Variants in SLC44A1 observed in about 807,000 individuals in gnomAD.
SLC44A1 encodes the protein solute carrier family 44 member 1.
SLC44A1 carries 26 observed loss-of-function variants against 79.3 expected under a neutral mutation model. The ratio of observed to expected loss-of-function variants is 0.33; its 90% CI spans 0.24 to 0.46. The LOEUF (loss-of-function observed/expected upper bound fraction) is 0.46, where lower values mean the gene tolerates loss of function less well. Among genes scored for constraint, SLC44A1 ranks in the 20% least tolerant of loss-of-function variants. The pLI is 1.00. For missense variants in SLC44A1, 688 were observed against 798.1 expected, an observed-to-expected ratio of 0.86 and a Z score of 1.66; for synonymous variants, 263 against 286.2, an observed-to-expected ratio of 0.92 and a Z score of 0.82.
At chr9:105,315,402 A>G (rs887222228) in intron 3 of SLC44A1, among the ~76,000 whole-genome samples, 1 of 149,992 alleles carries the variant, frequency 6.7e-6, no homozygotes, top group African/African-American at 2.5e-5. Flanking sequence ...TTTTAAGGAA[A>G]CTCCATATTT....
At chr9:105,265,545 G>T (rs575090602) in intron 1 of SLC44A1, among the ~76,000 whole-genome samples, 212 of 152,266 alleles carry the variant, frequency 1.4e-3, no homozygotes, top group Admixed American at 5.8e-3. Flanking sequence ...AGAACACGGG[G>T]TTGTTTCCAG....
chr9:105,365,498 G>T lies in SLC44A1; in HGVS notation c.1269G>T (p.Leu423Phe). The T allele has an allele frequency of 6.2e-7, 1 of 1,611,652 alleles. No individual in the cohort carries two copies. The change falls in exon 11 of 16, where the codon TTG becomes TTT. Residue 423 changes from leucine (L) to phenylalanine (F), a missense_variant. By Grantham distance (22) the Leu-to-Phe change is conservative. Transcript: ENST00000374720. ...TTTTAAATAGGGATAAAAGGAATTTGCCATTTACACCTATTTTGGCATCAG... is the reference window on the plus strand; with the variant it reads ...TTTTAAATAGGGATAAAAGGAATTTTCCATTTACACCTATTTTGGCATCAG... ...TYYFTRDKRN[L>F]PFTPILASVN...
chr9:105,282,518 A>G (rs1438357272), intron 1 of SLC44A1, among the ~76,000 whole-genome samples: 8 of 151,170 alleles, frequency 5.3e-5, no homozygotes, highest in Non-Finnish European at 1.2e-4. Flanking sequence ...TTCCTTCTCT[A>G]CTTGCTTCTT....
At chr9:105,399,155 A>G (rs1309471063), downstream of SLC44A1, among the ~76,000 whole-genome samples, 1 of 152,212 alleles carries the variant, frequency 6.6e-6, no homozygotes, top group Non-Finnish European at 1.5e-5. Context: ...CAATTCCAAG[A>G]AAAATAATTT....
At chr9:105,306,209 C>T (rs1367009317) in intron 2 of SLC44A1, among the ~76,000 whole-genome samples, 1 of 152,198 alleles carries the variant, frequency 6.6e-6, no homozygotes, top group Non-Finnish European at 1.5e-5. Context: ...GCTTCCTACT[C>T]CATGCTTATG....
downstream of SLC44A1, among the ~76,000 whole-genome samples, chr9:105,401,190 G>T (rs1828953501): frequency 6.6e-6 from 1 of 152,164 alleles, no homozygotes; most frequent in Admixed American, 6.5e-5. Context: ...GATGATTATG[G>T]TTATCTCTGT....
intron 15 of SLC44A1, 51 bp downstream of exon 15, chr9:105,385,553 CCTCT>C (rs780417141): frequency 2.2e-5 from 34 of 1,546,152 alleles, no homozygotes; most frequent in Non-Finnish European, 2.9e-5. Context: ...ACTTTCACTT[CCTCT>C]CTCTCTCTGT....
At chr9:105,330,702 C>T (rs944169401) in intron 3 of SLC44A1, among the ~76,000 whole-genome samples, 18 of 152,184 alleles carry the variant, frequency 1.2e-4, no homozygotes, top group Non-Finnish European at 2.4e-4. Context: ...TCAGACATCT[C>T]TCCTTTTCCT....
chr9:105,253,032 G>A (rs909939518), intron 1 of SLC44A1, among the ~76,000 whole-genome samples: 1 of 152,126 alleles, frequency 6.6e-6, no homozygotes, highest in Non-Finnish European at 1.5e-5. Context: ...TTGTATAATA[G>A]GATTCATTTA....
At chr9:105,316,246 A>G (rs71494516) in intron 3 of SLC44A1, among the ~76,000 whole-genome samples, 13 of 152,156 alleles carry the variant, frequency 8.5e-5, no homozygotes, top group African/African-American at 3.1e-4. Context: ...GTGTAAGGGT[A>G]TGAGAGGTTA....
At chr9:105,398,428 C>T (rs999267099), downstream of SLC44A1, among the ~76,000 whole-genome samples, 2 of 152,056 alleles carry the variant, frequency 1.3e-5, no homozygotes, top group Non-Finnish European at 2.9e-5. Context: ...GAATATTAAC[C>T]GATCTGGACT....
chr9:105,349,573 G>T (rs1471778067), intron 5 of SLC44A1, among the ~76,000 whole-genome samples: 2 of 152,070 alleles, frequency 1.3e-5, no homozygotes, highest in African/African-American at 4.8e-5. Flanking sequence ...ACAAATTATG[G>T]CCTTAAACCA....
intron 9 of SLC44A1, among the ~76,000 whole-genome samples, chr9:105,363,817 G>A (rs1827858318): frequency 6.6e-6 from 1 of 152,160 alleles, no homozygotes; most frequent in Non-Finnish European, 1.5e-5. Context: ...GATCAGGGAA[G>A]GCCTGAAATT....
At chr9:105,315,006 A>T (rs892315632) in intron 3 of SLC44A1, among the ~76,000 whole-genome samples, 1 of 152,244 alleles carries the variant, frequency 6.6e-6, no homozygotes, top group Non-Finnish European at 1.5e-5. Flanking sequence ...CGCATCATAC[A>T]CTAAAATAGA....
chr9:105,284,127 A>G (rs779001036), intron 1 of SLC44A1, among the ~76,000 whole-genome samples: 8 of 152,144 alleles, frequency 5.3e-5, no homozygotes, highest in Admixed American at 2.0e-4. Context: ...ATTTTTCACT[A>G]TAACTACCCA....
chr9:105,361,377 C>G (rs1170971944), intron 8 of SLC44A1, 47 bp downstream of exon 8: 1 of 1,528,076 alleles, frequency 6.5e-7, no homozygotes. Flanking sequence ...TTTTTGTTTG[C>G]AGGAGATCAT....
chr9:105,366,313 T>C (rs778530500), intron 11 of SLC44A1, 33 bp from the exon 12 acceptor site: 1 of 1,232,744 alleles, frequency 8.1e-7, no homozygotes, highest in South Asian at 1.7e-5. Context: ...GATTCTTTGG[T>C]TTTTTTATTA....
chr9:105,255,154 ATC>A (rs1157819812), intron 1 of SLC44A1, among the ~76,000 whole-genome samples: 13 of 148,788 alleles, frequency 8.7e-5, no homozygotes, highest in African/African-American at 3.0e-4. Context: ...TATTTAGAAT[ATC>A]TCTGATATAA....
intron 3 of SLC44A1, among the ~76,000 whole-genome samples, chr9:105,318,543 C>G (rs1024254296): frequency 2.0e-5 from 3 of 152,152 alleles, no homozygotes; most frequent in Non-Finnish European, 4.4e-5. Flanking sequence ...TGTAAAGACG[C>G]TAACTAAATT....
Sources: gnomAD v4.1 joint callset for allele counts (sites outside exome capture counted in the v4.1 genomes callset) on GRCh38, gnomAD v4.1.1 for gene constraint, MANE v1.5 for transcripts, NCBI Gene and HGNC (gene_info 2026-07-23, HGNC 2026-07-21) for gene names.